MAD1L1: variants seen among roughly 807,000 people sequenced by gnomAD.
The protein encoded by MAD1L1 is mitotic spindle assembly checkpoint protein MAD1.
In MAD1L1, 95 loss-of-function variants were observed where a neutral mutation model predicts 96.9. That is an observed-to-expected ratio of 0.98 (90% confidence interval 0.83 to 1.16). The LOEUF is 1.16. MAD1L1 is among the 50% of genes most tolerant of loss of function. MAD1L1 has a pLI of 0.00. For synonymous variants in MAD1L1, 473 were observed against 396.6 expected (o/e 1.19, Z -2.29); for missense variants, 1,007 against 954.4 (o/e 1.06, Z -0.73).
At chr7:1,997,588 G>C (rs1356321598) in intron 14 of MAD1L1, among the ~76,000 whole-genome samples, 1 of 152,276 alleles carries the variant, frequency 6.6e-6, no homozygotes, top group Non-Finnish European at 1.5e-5. Flanking sequence ...CCGCAGCCCA[G>C]AGACCCCCTT....
chr7:2,027,810 C>T (rs1004888407), intron 12 of MAD1L1, among the ~76,000 whole-genome samples: 26 of 152,186 alleles, frequency 1.7e-4, no homozygotes, highest in African/African-American at 6.0e-4. Flanking sequence ...GCAAAACAAA[C>T]ACCAGCTATC....
intron 11 of MAD1L1, among the ~76,000 whole-genome samples, chr7:2,080,285 G>A (rs1020512369): frequency 1.3e-5 from 2 of 152,198 alleles, no homozygotes; most frequent in Non-Finnish European, 2.9e-5. Flanking sequence ...TTTACCATAC[G>A]GCTCTTTACA....
intron 11 of MAD1L1, among the ~76,000 whole-genome samples, chr7:2,108,778 G>A (rs1490100780): frequency 6.6e-6 from 1 of 152,188 alleles, no homozygotes; most frequent in Non-Finnish European, 1.5e-5. Context: ...TGGGGAAACG[G>A]CTCAGCCTCG....
chr7:1,944,093 C>T lies in MAD1L1; in HGVS notation c.1597-7196G>A, dbSNP rs1054752634. Among the ~76,000 whole-genome samples the T allele has an allele frequency of 1.1e-4, 17 of 152,042 alleles. 1 individual carries two copies. Among genetic ancestry groups the T allele is most frequent in the South Asian group, 2.1e-4 (1 of 4,820 alleles). ...CCCAGGAAATGCTGGTAATGGGCCA[C>T]GGGACTCCCTCCCAGGAAATGCTCA... is the stretch of plus-strand genomic sequence containing the variant. On this transcript the variant is annotated intron_variant, in intron 16 of 18. Coordinates refer to ENST00000265854, the MANE Select transcript of MAD1L1 (RefSeq NM_001013836.2).
intron 18 of MAD1L1, among the ~76,000 whole-genome samples, chr7:1,895,839 G>A (rs1323627175): frequency 6.6e-6 from 1 of 152,280 alleles, no homozygotes; most frequent in Non-Finnish European, 1.5e-5. Flanking sequence ...GCCAGGACAG[G>A]CCGTGGTCCA....
chr7:2,160,486 C>A (rs1790051944), intron 10 of MAD1L1, among the ~76,000 whole-genome samples: 1 of 151,894 alleles, frequency 6.6e-6, no homozygotes, highest in African/African-American at 2.4e-5. Context: ...GCGCCCACCA[C>A]CATGCCCAGC....
intron 18 of MAD1L1, among the ~76,000 whole-genome samples, chr7:1,828,999 C>T (rs1305365199): frequency 1.3e-5 from 2 of 152,066 alleles, no homozygotes; most frequent in African/African-American, 4.8e-5. Context: ...GATACAACCA[C>T]GGAAACCGTC....
chr7:1,847,806 C>G (rs6959164), intron 18 of MAD1L1: 30,233 of 418,996 alleles, frequency 0.072, 1,821 homozygotes, highest in African/African-American at 0.21. Flanking sequence ...CCTAGCACCC[C>G]TTGGCCGGCT....
chr7:2,212,453 G>A (rs998231312), intron 10 of MAD1L1, among the ~76,000 whole-genome samples: 6 of 152,220 alleles, frequency 3.9e-5, no homozygotes, highest in Admixed American at 2.0e-4. Flanking sequence ...GTGGGGCCCC[G>A]TGGGAAGTGT....
chr7:1,908,065 T>C (rs1011461015), intron 17 of MAD1L1, among the ~76,000 whole-genome samples: 1 of 152,186 alleles, frequency 6.6e-6, no homozygotes, highest in Non-Finnish European at 1.5e-5. Context: ...GACAGTACGT[T>C]TGCCCACACA....
chr7:2,050,507 C>T (rs1330097677), intron 12 of MAD1L1, among the ~76,000 whole-genome samples: 1 of 152,228 alleles, frequency 6.6e-6, no homozygotes, highest in Non-Finnish European at 1.5e-5. Flanking sequence ...GAAGCACCCA[C>T]AGAACCATGG....
At chr7:2,164,011 T>C (rs1177255122) in intron 10 of MAD1L1, among the ~76,000 whole-genome samples, 1 of 152,138 alleles carries the variant, frequency 6.6e-6, no homozygotes, top group Non-Finnish European at 1.5e-5. Flanking sequence ...TGCGAATCTG[T>C]GACTCTGAGC....
intron 10 of MAD1L1, among the ~76,000 whole-genome samples, chr7:2,153,839 T>C (rs1789695512): frequency 1.3e-5 from 2 of 152,156 alleles, no homozygotes; most frequent in Non-Finnish European, 2.9e-5. Flanking sequence ...GTACACACAG[T>C]GGAATGCTAT....
At chr7:2,027,625 G>C (rs996066908) in intron 12 of MAD1L1, among the ~76,000 whole-genome samples, 2 of 152,140 alleles carry the variant, frequency 1.3e-5, no homozygotes, top group African/African-American at 4.8e-5. Context: ...TTGCAGAAAA[G>C]GCATTTGATT....
At chr7:1,988,196 C>T (rs980048447) in intron 14 of MAD1L1, among the ~76,000 whole-genome samples, 1 of 152,210 alleles carries the variant, frequency 6.6e-6, no homozygotes. Flanking sequence ...GAGGGCCCTG[C>T]TGAACGCTTC....
At chr7:1,824,606 C>A (rs908938891) in intron 18 of MAD1L1, among the ~76,000 whole-genome samples, 1 of 152,190 alleles carries the variant, frequency 6.6e-6, no homozygotes, top group Non-Finnish European at 1.5e-5. Flanking sequence ...GGCCCCGGAG[C>A]CCCCAGGCTT....
chr7:2,149,330 G>A (rs1415634830), intron 10 of MAD1L1, 92 bp from the exon 11 acceptor site: 1 of 979,068 alleles, frequency 1.0e-6, no homozygotes, highest in African/African-American at 1.6e-5. Context: ...AGCAACCTCT[G>A]TAGCTGATGC....
At chr7:1,917,419 G>A (rs963019503) in intron 17 of MAD1L1, among the ~76,000 whole-genome samples, 93 of 152,168 alleles carry the variant, frequency 6.1e-4, no homozygotes, top group African/African-American at 2.2e-3. Context: ...CACCCCGGGT[G>A]AAGGGCGCAC....
At chr7:1,890,230 C>A (rs1033053210) in intron 18 of MAD1L1, among the ~76,000 whole-genome samples, 5 of 152,226 alleles carry the variant, frequency 3.3e-5, no homozygotes, top group Non-Finnish European at 7.3e-5. Context: ...CCTGACAAGT[C>A]TCATATTGAA....
Sources: gnomAD v4.1 joint callset for allele counts (sites outside exome capture counted in the v4.1 genomes callset) on GRCh38, gnomAD v4.1.1 for gene constraint, MANE v1.5 for transcripts, NCBI Gene and HGNC (gene_info 2026-07-23, HGNC 2026-07-21) for gene names.